ANGPTL2: variants seen among roughly 807,000 people sequenced by gnomAD.
ANGPTL2 encodes the protein angiopoietin-related protein 2.
ANGPTL2 carries 25 observed loss-of-function variants against 52.8 expected under a neutral mutation model. The ratio of observed to expected loss-of-function variants is 0.47; its 90% confidence interval spans 0.35 to 0.66. The LOEUF (loss-of-function observed/expected upper bound fraction) is 0.66. ANGPTL2 is among the 30% of genes least tolerant of loss of function. ANGPTL2 has a pLI of 0.01. For missense variants in ANGPTL2, 546 were observed against 656.9 expected (o/e 0.83, Z 1.84); for synonymous variants, 276 against 277.4 (o/e 1.00, Z 0.05).
Position 127,107,994 on chromosome 9 carries a change from C to G in ANGPTL2, c.738G>C (p.Gln246His). ...GAGGGGGTGGCAGCACCTTCAGGTT[C>G]TGGTCACTCTGGATCTCGTTGGTAG... Reference protein sequence around the residue: ...QISTNEIQSDQNLKVLPPPLP... With the variant: ...QISTNEIQSDHNLKVLPPPLP... The change falls in exon 2 of 5, where the codon CAG (glutamine) becomes CAC (histidine). Residue 246 changes from glutamine (Q) to histidine (H), a missense_variant. By Grantham distance (24) the Gln-to-His change is conservative (BLOSUM62 0). This residue lies in a region of ANGPTL2 where 261 missense variants were observed against 361.0 expected (regional missense o/e 0.72). Coordinates refer to ENST00000373425, the MANE Select transcript of ANGPTL2 (RefSeq NM_012098.3). 6.3e-7 allele frequency: 1 copy of G among 1,589,674 alleles called. No homozygotes were observed.
intron 1 of ANGPTL2, among the ~76,000 whole-genome samples, chr9:127,121,124 G>A (rs1201596430): frequency 1.3e-5 from 2 of 152,194 alleles, no homozygotes; most frequent in East Asian, 1.9e-4. Flanking sequence ...AAACAGGGAT[G>A]AATAATAATG....
chr9:127,118,537 A>G (rs188405269), intron 1 of ANGPTL2, among the ~76,000 whole-genome samples: 4 of 152,310 alleles, frequency 2.6e-5, no homozygotes, highest in Admixed American at 1.3e-4. Flanking sequence ...CTGGGTTTCA[A>G]TCTTTGCTTT....
chr9:127,107,593 G>T (rs895527164), intron 2 of ANGPTL2, among the ~76,000 whole-genome samples: 1 of 152,216 alleles, frequency 6.6e-6, no homozygotes, highest in Non-Finnish European at 1.5e-5. Flanking sequence ...TCTTCTATCT[G>T]CCAACACACG....
chr9:127,088,756 A>G lies in ANGPTL2; in HGVS notation c.*183T>C. 1 of 678,376 alleles carries G rather than the reference A, an allele frequency of 1.5e-6. No individual in the cohort carries two copies. Among genetic ancestry groups the G allele is most frequent in the Non-Finnish European group, 2.5e-6 (1 of 397,052 alleles). The allele number at this position is 678,376 out of a possible 1,614,324, so 42.0% of individuals were successfully genotyped here. ...TCTGGTGTGAAGGAAAGTAGGAGGG[A>G]CAGAAAACACCGTATCGATTCAGTT... On this transcript the variant is annotated 3_prime_UTR_variant, in exon 5 of 5. Transcript: ENST00000373425.
rs1457487273 is a variant in ANGPTL2, at chr9:127,090,145, G to T, written c.1283-1007C>A. ...CAAGTGGCAGTGTTGGACTGGTATAGCAGGGAGATCCTTGGGCACGCCATA... is the reference window on the plus strand; with the variant it reads ...CAAGTGGCAGTGTTGGACTGGTATATCAGGGAGATCCTTGGGCACGCCATA... On this transcript the variant is annotated intron_variant, in intron 4 of 4. Transcript: ENST00000373425. 2.0e-5 allele frequency among the ~76,000 whole-genome samples: 3 copies of T among 152,312 alleles called. No individual in the cohort carries two copies. In the East Asian group the frequency reaches 5.8e-4, roughly 29 times the overall value.
At chr9:127,109,062 G>A (rs770825972) in intron 1 of ANGPTL2, among the ~76,000 whole-genome samples, 6 of 152,170 alleles carry the variant, frequency 3.9e-5, no homozygotes, top group Non-Finnish European at 7.4e-5. Flanking sequence ...TCCAATGCCC[G>A]CAGCCCCCTT....
At chr9:127,099,494 G>A (rs755076674) in intron 2 of ANGPTL2, among the ~76,000 whole-genome samples, 3 of 152,180 alleles carry the variant, frequency 2.0e-5, no homozygotes, top group Non-Finnish European at 2.9e-5. Flanking sequence ...GCCACGGCAC[G>A]TGGCCTGCTT....
intron 1 of ANGPTL2, among the ~76,000 whole-genome samples, chr9:127,114,666 T>C (rs2055209500): frequency 6.6e-6 from 1 of 152,228 alleles, no homozygotes. Context: ...CCCATTGGTC[T>C]GTGATCACAG....
Position 127,122,028 on chromosome 9 carries a change from G to T in ANGPTL2, c.-50+287C>A, listed in dbSNP as rs1029100226. Among the ~76,000 whole-genome samples the T allele has an allele frequency of 6.6e-6, 1 of 152,184 alleles. No individual in the cohort carries two copies. Among genetic ancestry groups the T allele is most frequent in the Non-Finnish European group, 1.5e-5 (1 of 68,026 alleles). ...CAGCTGCTCTGCCGTGCCGGGAGCTGCCGGCCGGCACCCCAAAGGCTCTTT... is the reference window on the plus strand; with the variant it reads ...CAGCTGCTCTGCCGTGCCGGGAGCTTCCGGCCGGCACCCCAAAGGCTCTTT... On this transcript the variant is annotated intron_variant, in intron 1 of 4. Coordinates refer to ENST00000373425, the MANE Select transcript of ANGPTL2 (RefSeq NM_012098.3). This position sits in a 1 kb window ranked among gnomAD's most constrained non-coding sequence, Gnocchi z 6.4.
rs1349528045 is a variant in ANGPTL2, at chr9:127,107,598, C to T, written c.817+317G>A. On this transcript the variant is annotated intron_variant, in intron 2 of 4. Coordinates refer to ENST00000373425, the MANE Select transcript of ANGPTL2 (RefSeq NM_012098.3). Reference sequence around the variant, plus strand: ...AGAGACATTCTCTTCTATCTGCCAACACACGGGATCTCATGCAGAGCCTAG... The same window carrying T: ...AGAGACATTCTCTTCTATCTGCCAATACACGGGATCTCATGCAGAGCCTAG... Among the ~76,000 whole-genome samples, 5 of 152,236 alleles carry T rather than the reference C, an allele frequency of 3.3e-5. No homozygotes were observed. The East Asian group carries it at 5.8e-4, about 18-fold the overall frequency.
chr9:127,100,675 A>G (rs969543504), intron 2 of ANGPTL2, among the ~76,000 whole-genome samples: 9 of 152,150 alleles, frequency 5.9e-5, no homozygotes, highest in East Asian at 1.9e-4. Context: ...GAGAGTGGCC[A>G]TGGCTCTGTC....
chr9:127,116,714 A>G (rs1157830248), intron 1 of ANGPTL2, among the ~76,000 whole-genome samples: 1 of 152,228 alleles, frequency 6.6e-6, no homozygotes, highest in Non-Finnish European at 1.5e-5. Context: ...CACCAGGGCC[A>G]CCTTGGCTGT....
At chr9:127,114,700 G>A (rs1000203609) in intron 1 of ANGPTL2, among the ~76,000 whole-genome samples, 4 of 152,220 alleles carry the variant, frequency 2.6e-5, no homozygotes, top group African/African-American at 7.2e-5. Context: ...ATGGGTCCAC[G>A]CCATAAGAGG....
intron 1 of ANGPTL2, among the ~76,000 whole-genome samples, chr9:127,110,340 C>T (rs985643352): frequency 3.3e-4 from 50 of 152,198 alleles, no homozygotes; most frequent in Admixed American, 3.0e-3. Context: ...CTTTCCAGAG[C>T]GCCACCCTGC....
rs1788311674 is a variant in ANGPTL2, at chr9:127,087,755, G to T, written c.*1184C>A. The T allele has an allele frequency of 1.3e-5, 2 of 152,212 alleles. No individual in the cohort carries two copies. The highest frequency in any genetic ancestry group is 4.1e-4 in the South Asian group (2 of 4,826). The allele number at this position is 152,212 out of a possible 1,614,324, so 9.4% of individuals were successfully genotyped here. A position where few individuals can be genotyped will look rare whatever the true frequency, so the allele number is the denominator to read the frequency against. On this transcript the variant is annotated 3_prime_UTR_variant, in exon 5 of 5. Coordinates refer to ENST00000373425, the MANE Select transcript of ANGPTL2 (RefSeq NM_012098.3). ...TGTGGCACTTGTTCTCCAGGGAAGT[G>T]TAGTTTGGAGATGAGATGCGGACTC...
At chr9:127,114,051 A>C (rs2055141512) in intron 1 of ANGPTL2, among the ~76,000 whole-genome samples, 1 of 152,338 alleles carries the variant, frequency 6.6e-6, no homozygotes, top group Admixed American at 6.5e-5. Flanking sequence ...AAAGAATAAC[A>C]ACAATAAATT....
At position 127,088,754 on chromosome 9, in the gene ANGPTL2, G is replaced by A; in HGVS notation, c.*185C>T. 1.5e-6 allele frequency: 1 copy of A among 668,288 alleles called. No individual in the cohort carries two copies. Among genetic ancestry groups the A allele is most frequent in the Non-Finnish European group, 2.6e-6 (1 of 388,446 alleles). 41.4% of individuals were successfully genotyped at this position (668,288 alleles called of 1,614,324 possible). A position where few individuals can be genotyped will look rare whatever the true frequency, so the allele number is the denominator to read the frequency against. ...TGTCTGGTGTGAAGGAAAGTAGGAG[G>A]GACAGAAAACACCGTATCGATTCAG... On this transcript the variant is annotated 3_prime_UTR_variant, in exon 5 of 5. Coordinates refer to ENST00000373425, the MANE Select transcript of ANGPTL2 (RefSeq NM_012098.3).
At chr9:127,097,925 G>A (rs1239492998) in intron 2 of ANGPTL2, among the ~76,000 whole-genome samples, 1 of 152,174 alleles carries the variant, frequency 6.6e-6, no homozygotes, top group Admixed American at 6.5e-5. Flanking sequence ...GAAATGGGAA[G>A]AGACCATAGC....
intron 1 of ANGPTL2, among the ~76,000 whole-genome samples, chr9:127,117,966 G>T (rs978034543): frequency 2.1e-4 from 32 of 152,366 alleles, no homozygotes; most frequent in African/African-American, 7.5e-4. Context: ...CTGAGGCTCT[G>T]GGGCTGCTGG....
Sources: gnomAD v4.1 joint callset for allele counts (sites outside exome capture counted in the v4.1 genomes callset) on GRCh38, gnomAD v4.1.1 for gene constraint, gnomAD v4.1.1 regional missense constraint, Gnocchi (gnomAD v3.1) non-coding constraint, MANE v1.5 for transcripts, NCBI Gene and HGNC (gene_info 2026-07-23, HGNC 2026-07-21) for gene names.